The following LMO7 variants were observed in gnomAD, a reference collection of about 807,000 sequenced individuals.
The protein encoded by LMO7 is LIM domain only protein 7.
LMO7 carries 120 observed loss-of-function variants against 206.5 expected under a neutral mutation model. The ratio of observed to expected loss-of-function variants is 0.58; its 90% CI spans 0.50 to 0.68. LMO7 has a LOEUF of 0.68. LMO7 is among the 30% of genes least tolerant of loss of function. The pLI is 0.00. For synonymous variants in LMO7, 706 were observed against 681.5 expected (o/e 1.04, Z -0.56); for missense variants, 1,959 against 1,957.9 (o/e 1.00, Z -0.01).
rs368747194 is a variant in LMO7 at position 75,661,681 on chromosome 13, C to A, written c.69+24955C>A. On this transcript the variant is annotated intron_variant, in intron 1 of 30. Transcript: ENST00000377534. Reference sequence around the variant, plus strand: ...ACACAGGAGGCGTGGAAAATGTCCCCTGCGCCAGTACTGTGACATTTGGAG... The same window carrying A: ...ACACAGGAGGCGTGGAAAATGTCCCATGCGCCAGTACTGTGACATTTGGAG... 2.9e-4 allele frequency among the ~76,000 whole-genome samples: 44 copies of A among 152,326 alleles called. No individual in the cohort carries two copies. The East Asian group carries it at 4.6e-3, about 16-fold the overall frequency.
chr13:75,722,808 T>C (rs1020013440), intron 2 of LMO7, among the ~76,000 whole-genome samples: 3 of 152,170 alleles, frequency 2.0e-5, no homozygotes, highest in Admixed American at 2.0e-4. Context: ...ATGTGGTGTA[T>C]ATATGCATAT....
chr13:75,718,981 T>TC (rs1491320112), intron 2 of LMO7, among the ~76,000 whole-genome samples: 3 of 139,270 alleles, frequency 2.2e-5, no homozygotes, highest in Admixed American at 1.4e-4. Flanking sequence ...TGTCTCTCTC[T>TC]TTTTTTTTTT....
At chr13:75,761,338 G>C (rs1317293628) in intron 4 of LMO7, among the ~76,000 whole-genome samples, 1 of 152,214 alleles carries the variant, frequency 6.6e-6, no homozygotes, top group South Asian at 2.1e-4. Context: ...TAATGTTGAG[G>C]ATACTCATAA....
chr13:75,634,450 A>G (rs1203386893), upstream of LMO7, among the ~76,000 whole-genome samples: 4 of 151,748 alleles, frequency 2.6e-5, no homozygotes, highest in Non-Finnish European at 5.9e-5. Flanking sequence ...TTAAAAAACA[A>G]ACAAGAACGG....
intron 1 of LMO7, among the ~76,000 whole-genome samples, chr13:75,700,238 G>T (rs536664922): frequency 3.3e-5 from 5 of 152,178 alleles, no homozygotes; most frequent in Non-Finnish European, 7.3e-5. Flanking sequence ...TACATCCTCA[G>T]CTTATGAAGA....
intron 1 of LMO7, among the ~76,000 whole-genome samples, chr13:75,668,967 G>A (rs1365857241): frequency 2.0e-5 from 3 of 152,146 alleles, no homozygotes; most frequent in Non-Finnish European, 4.4e-5. Context: ...ACTGCTAAGC[G>A]GGCAGATGAT....
intron 13 of LMO7, 37 bp from the exon 14 acceptor site, chr13:75,821,140 G>C (rs956634480): frequency 7.9e-6 from 12 of 1,510,070 alleles, no homozygotes; most frequent in Non-Finnish European, 1.1e-5. Flanking sequence ...TGTCAAATGT[G>C]TGTCTTTGTG....
chr13:75,838,073 A>G, intron 19 of LMO7, 67 bp from the exon 20 acceptor site: 4 of 894,656 alleles, frequency 4.5e-6, no homozygotes, highest in Admixed American at 1.9e-5. Flanking sequence ...TATATCAAGT[A>G]TCGTTTAATT....
Position 75,855,317 on chromosome 13 carries a change from C to T in LMO7, c.4719C>T (p.Ala1573=), listed in dbSNP as rs763979347. The stretch of plus-strand genomic sequence containing the variant: ...GCAATAACATTCTGGGCAAAGGAGC[C>T]GCCATGATCATCGAGTCCCTGGGTC... ...SYCNNILGKG[A]AMIIESLGLC... The change falls in exon 29 of 31, where the codon GCC becomes GCT. Residue 1573 remains alanine (A), a synonymous_variant. Transcript: ENST00000377534. The T allele has an allele frequency of 2.2e-5, 35 of 1,613,726 alleles. No homozygotes were observed. The highest frequency in any genetic ancestry group is 5.5e-5 in the South Asian group (5 of 91,076).
upstream of LMO7, among the ~76,000 whole-genome samples, chr13:75,635,048 CAG>C (rs1381487385): frequency 2.9e-4 from 44 of 150,798 alleles, no homozygotes; most frequent in South Asian, 6.3e-4. Context: ...CAAAAACAAA[CAG>C]AAAGTAAATA....
intron 7 of LMO7, among the ~76,000 whole-genome samples, chr13:75,801,142 A>G (rs1013507007): frequency 6.6e-6 from 1 of 151,800 alleles, no homozygotes; most frequent in Non-Finnish European, 1.5e-5. Context: ...GTGATAATCT[A>G]TCCTGGCTCT....
intron 6 of LMO7, among the ~76,000 whole-genome samples, chr13:75,799,941 A>G (rs2054521954): frequency 6.6e-6 from 1 of 152,242 alleles, no homozygotes; most frequent in Non-Finnish European, 1.5e-5. Flanking sequence ...ACCTACAGTT[A>G]ACATCATTTG....
intron 1 of LMO7, among the ~76,000 whole-genome samples, chr13:75,692,309 C>T (rs1296945524): frequency 2.0e-5 from 3 of 152,122 alleles, no homozygotes; most frequent in Admixed American, 6.5e-5. Flanking sequence ...GTTTCAGGGT[C>T]GTTAGTTCAT....
chr13:75,809,121 G>C, intron 10 of LMO7, 33 bp from the exon 11 acceptor site: 1 of 1,560,994 alleles, frequency 6.4e-7, no homozygotes, highest in Non-Finnish European at 8.8e-7. Flanking sequence ...TGGGAAAAAT[G>C]ACTTTTTAAT....
In LMO7 at chr13:75,844,321, T is replaced by C. The variant is rs141109127; in HGVS notation, c.4098-1006T>C. 5.6e-3 allele frequency among the ~76,000 whole-genome samples: 843 copies of C among 151,464 alleles called. 7 individuals carry two copies. Among genetic ancestry groups the C allele is most frequent in the African/African-American group, 0.018 (748 of 41,408 alleles). On this transcript the variant is annotated intron_variant, in intron 25 of 30. Coordinates refer to ENST00000377534, the MANE Select transcript of LMO7 (RefSeq NM_001306080.2). The stretch of plus-strand genomic sequence containing the variant: ...TTATTGGATTTACACATATGTAATA[T>C]ATACATATATGTACATAAGTATAAT...
intron 1 of LMO7, among the ~76,000 whole-genome samples, chr13:75,669,184 A>G (rs760096493): frequency 6.6e-6 from 1 of 152,178 alleles, no homozygotes; most frequent in Non-Finnish European, 1.5e-5. Context: ...TTAAGCTGGA[A>G]TCTATTGACC....
intron 1 of LMO7, among the ~76,000 whole-genome samples, chr13:75,705,013 A>C (rs746516419): frequency 5.9e-5 from 9 of 152,202 alleles, no homozygotes; most frequent in Non-Finnish European, 1.0e-4. Context: ...ATAACTTCCT[A>C]TCAAGGGCTT....
chr13:75,853,476 TGAA>T, intron 28 of LMO7, 88 bp downstream of exon 28: 1 of 1,272,658 alleles, frequency 7.9e-7, no homozygotes, highest in Non-Finnish European at 1.1e-6. Context: ...AGTTTTCCAA[TGAA>T]GAAGAAAAAG....
intron 4 of LMO7, among the ~76,000 whole-genome samples, chr13:75,767,729 A>T (rs1001528410): frequency 6.6e-6 from 1 of 152,094 alleles, no homozygotes; most frequent in Non-Finnish European, 1.5e-5. Context: ...AGGAACAAGC[A>T]CATTGAGCAG....
Sources: gnomAD v4.1 joint callset for allele counts (sites outside exome capture counted in the v4.1 genomes callset) on GRCh38, gnomAD v4.1.1 for gene constraint, MANE v1.5 for transcripts, NCBI Gene and HGNC (gene_info 2026-07-23, HGNC 2026-07-21) for gene names.